Variants in FAS observed in about 807,000 individuals in gnomAD.
FAS encodes Fas cell surface death receptor.
Under a neutral mutation model 33.2 loss-of-function variants are expected in FAS, and 5 were observed. The observed-to-expected ratio is 0.15, with a 90% confidence interval of 0.08 to 0.32. The LOEUF is 0.32. Among genes scored for constraint, FAS ranks in the 10% least tolerant of loss-of-function variants. The pLI is 1.00. For missense variants in FAS, 339 were observed against 386.0 expected, an observed-to-expected ratio of 0.88 and a Z score of 1.02; for synonymous variants, 131 against 130.7, an observed-to-expected ratio of 1.00 and a Z score of -0.01.
chr10:88,990,660 A>G (rs1847113019), upstream of FAS: 1 of 700,088 alleles, frequency 1.4e-6, no homozygotes, highest in Non-Finnish European at 2.6e-6. The surrounding 1 kb of genome is among the most constrained non-coding windows in gnomAD (Gnocchi z 4.9). Context: ...ATCTCGCGCA[A>G]GAGTGACACA....
At chr10:88,992,930 G>A (rs1847343786) in intron 1 of FAS, among the ~76,000 whole-genome samples, 1 of 152,178 alleles carries the variant, frequency 6.6e-6, no homozygotes, top group Non-Finnish European at 1.5e-5. Context: ...TGTTTTCTTA[G>A]TAGTAGCAAT....
Position 89,003,161 on chromosome 10 carries a change from G to T in FAS, c.163G>T (p.Asp55Tyr). 1 of 1,614,160 alleles carries T rather than the reference G, an allele frequency of 6.2e-7. No individual in the cohort carries two copies. Among genetic ancestry groups the T allele is most frequent in the Non-Finnish European group, 8.5e-7 (1 of 1,179,984 alleles). Residue 55 changes from aspartate to tyrosine, a missense_variant, in exon 2 of 9, where the codon GAT becomes TAT. By Grantham distance (160) the Asp-to-Tyr change is radical (BLOSUM62 -3). Transcript: ENST00000652046. ...ETQNLEGLHHDGQFCHKPCPP... is the reference protein window; with the variant it reads ...ETQNLEGLHHYGQFCHKPCPP... Reference sequence around the variant, plus strand: ...TCAGAACTTGGAAGGCCTGCATCATGATGGCCAATTCTGCCATAAGCCCTG... The same window carrying T: ...TCAGAACTTGGAAGGCCTGCATCATTATGGCCAATTCTGCCATAAGCCCTG...
At chr10:88,977,054 A>G (rs1470354856) in intron 2 of FAS, among the ~76,000 whole-genome samples, 1 of 152,214 alleles carries the variant, frequency 6.6e-6, no homozygotes, top group Non-Finnish European at 1.5e-5. Flanking sequence ...TAATGAATTA[A>G]TGCTTGTGTG....
chr10:88,965,653 A>G (rs1463652733), intron 1 of FAS, among the ~76,000 whole-genome samples: 1 of 128,758 alleles, frequency 7.8e-6, no homozygotes, highest in Non-Finnish European at 1.7e-5. Context: ...TTGCAAGGTC[A>G]AGCCATTATA....
chr10:89,011,703 C>T (rs1433946329), intron 6 of FAS, among the ~76,000 whole-genome samples: 1 of 152,190 alleles, frequency 6.6e-6, no homozygotes, highest in Non-Finnish European at 1.5e-5. Context: ...TCTTGCCGTC[C>T]ACATCTTTGC....
intron 1 of FAS, among the ~76,000 whole-genome samples, chr10:89,001,455 G>A (rs1039455763): frequency 1.3e-5 from 2 of 151,546 alleles, no homozygotes; most frequent in Non-Finnish European, 2.9e-5. Context: ...AAGCCTGAAT[G>A]GGGGTCTATA....
chr10:88,973,325 AG>A (rs1389921000), exon 2 of FAS: 5 of 1,560,296 alleles, frequency 3.2e-6, no homozygotes, highest in Non-Finnish European at 4.3e-6. Context: ...AGAGACAAGA[AG>A]TGGAATGGAG....
chr10:88,991,940 A>G (rs951064245), intron 1 of FAS, among the ~76,000 whole-genome samples: 1 of 152,164 alleles, frequency 6.6e-6, no homozygotes, highest in Admixed American at 6.5e-5. Context: ...GGGCCCCAAC[A>G]AAGTGCCAGG....
chr10:88,970,443 G>T (rs1846412459), intron 1 of FAS, among the ~76,000 whole-genome samples: 1 of 152,152 alleles, frequency 6.6e-6, no homozygotes, highest in Admixed American at 6.5e-5. Flanking sequence ...GCCCCTGCTT[G>T]TTGAGGAGGG....
At chr10:89,003,675 G>A (rs768251690) in intron 2 of FAS, among the ~76,000 whole-genome samples, 33 of 151,984 alleles carry the variant, frequency 2.2e-4, no homozygotes, top group Non-Finnish European at 3.8e-4. Flanking sequence ...ATAACTAGAC[G>A]AATAAGAAAA....
At chr10:89,006,338 T>C (rs540752931) in intron 2 of FAS, among the ~76,000 whole-genome samples, 10 of 152,334 alleles carry the variant, frequency 6.6e-5, no homozygotes, top group African/African-American at 1.2e-4. Flanking sequence ...TTTTTTACTA[T>C]TGACAGACTA....
chr10:88,970,954 A>AATGTCTGAACTC (rs1203089097), intron 1 of FAS, among the ~76,000 whole-genome samples: 1 of 152,184 alleles, frequency 6.6e-6, no homozygotes, highest in African/African-American at 2.4e-5. Flanking sequence ...TGACAAAAAT[A>AATGTCTGAACTC]ATGTCTGAAC....
At chr10:88,998,718 T>A (rs181256803) in intron 1 of FAS, among the ~76,000 whole-genome samples, 142 of 152,292 alleles carry the variant, frequency 9.3e-4, no homozygotes, top group African/African-American at 3.3e-3. Flanking sequence ...GCCATCTCTA[T>A]CAGAAAAGGG....
chr10:88,964,803 A>G (rs1846292312), intron 1 of FAS, among the ~76,000 whole-genome samples: 1 of 152,152 alleles, frequency 6.6e-6, no homozygotes, highest in Admixed American at 6.5e-5. Context: ...TGTACAAATT[A>G]AGGTATTATG....
At position 88,971,048 on chromosome 10, in the gene FAS, A is replaced by G. The variant is rs140088680; in HGVS notation, n.95-2134A>G. On this transcript the variant is annotated intron_variant and non_coding_transcript_variant, in intron 1 of 3. Transcript: ENST00000688239. The stretch of plus-strand genomic sequence containing the variant: ...GTAAAGGCAAACCTTGTCTTCTGTC[A>G]TGATCTACAGATGGCACAAATAATA... Among the ~76,000 whole-genome samples the G allele has an allele frequency of 4.6e-5, 7 of 152,374 alleles. No homozygotes were observed. The East Asian group carries it at 1.3e-3, about 29-fold the overall frequency.
intron 1 of FAS, among the ~76,000 whole-genome samples, chr10:88,966,386 T>C (rs1846318276): frequency 6.6e-6 from 1 of 152,164 alleles, no homozygotes; most frequent in Non-Finnish European, 1.5e-5. Context: ...CCTCTGATTG[T>C]CTGTGTGGCT....
At chr10:88,996,273 T>C (rs965873002) in intron 1 of FAS, among the ~76,000 whole-genome samples, 5 of 98,538 alleles carry the variant, frequency 5.1e-5, no homozygotes, top group African/African-American at 3.1e-4. Context: ...AACTGGTTGT[T>C]GTTGTTTTTT....
intron 1 of FAS, among the ~76,000 whole-genome samples, chr10:88,971,465 G>C (rs976176393): frequency 6.6e-6 from 1 of 152,120 alleles, no homozygotes; most frequent in African/African-American, 2.4e-5. Flanking sequence ...TGAGTGTTTG[G>C]GTAAACAGAA....
At chr10:88,980,689 TG>T (rs1297914962) in intron 2 of FAS, among the ~76,000 whole-genome samples, 1 of 152,188 alleles carries the variant, frequency 6.6e-6, no homozygotes, top group African/African-American at 2.4e-5. Flanking sequence ...TCAAAGAAAG[TG>T]GCCAAAATGT....
Sources: allele counts gnomAD v4.1 joint callset (sites outside exome capture counted in the v4.1 genomes callset), GRCh38; gene constraint gnomAD v4.1.1; non-coding constraint Gnocchi (gnomAD v3.1); transcripts MANE v1.5; gene names NCBI Gene and HGNC (gene_info 2026-07-23, HGNC 2026-07-21).